Variants in MAP1S observed in about 807,000 individuals in gnomAD.
MAP1S encodes microtubule associated protein 1S.
MAP1S carries 27 observed loss-of-function variants against 60.9 expected under a neutral mutation model. That is an observed-to-expected ratio of 0.44 (90% CI 0.33 to 0.61). The LOEUF is 0.61. Ranked by LOEUF, MAP1S falls within the 20% of genes least tolerant of loss-of-function variation. The pLI, the probability that MAP1S is intolerant of heterozygous loss-of-function variation, is 0.03. For synonymous variants in MAP1S, 826 were observed against 694.2 expected (o/e 1.19, Z -2.98); for missense variants, 1,608 against 1,486.6 (o/e 1.08, Z -1.34).
At chr19:17,724,661 C>G (rs1314492966) in intron 3 of MAP1S, among the ~76,000 whole-genome samples, 1 of 152,178 alleles carries the variant, frequency 6.6e-6, no homozygotes, top group Non-Finnish European at 1.5e-5. Flanking sequence ...CAGGTTGATT[C>G]CTTGGATCAA....
chr19:17,732,688 C>A (rs1182985092), intron 5 of MAP1S, among the ~76,000 whole-genome samples: 1 of 152,226 alleles, frequency 6.6e-6, no homozygotes, highest in Non-Finnish European at 1.5e-5. Context: ...AGCAAGTGAA[C>A]CAGACAAATG....
intron 1 of MAP1S, chr19:17,720,463 G>C (rs1267640251): frequency 6.5e-7 from 1 of 1,531,250 alleles, no homozygotes; most frequent in Admixed American, 2.0e-5. Flanking sequence ...AAGCGAGTGA[G>C]GAGATGGAAC....
Position 17,720,925 on chromosome 19 carries a change from C to G in MAP1S, c.119-11C>G. 6.2e-7 allele frequency: 1 copy of G among 1,608,836 alleles called. No individual in the cohort carries two copies. Among genetic ancestry groups the G allele is most frequent in the South Asian group, 1.1e-5 (1 of 90,976 alleles). On this transcript the variant is annotated splice_polypyrimidine_tract_variant and intron_variant, in intron 1 of 6. Transcript: ENST00000324096. ...GGCTGAACTCCCGCCTTGATCCCTC[C>G]TTCCCACCAGGCATCCGGTCTTGGG...
At chr19:17,723,683 T>C (rs2080391201) in intron 2 of MAP1S, among the ~76,000 whole-genome samples, 1 of 151,978 alleles carries the variant, frequency 6.6e-6, no homozygotes, top group South Asian at 2.1e-4. Flanking sequence ...ACCCTGTCTC[T>C]ACTAAAAATA....
chr19:17,721,138 A>G, intron 2 of MAP1S, 101 bp downstream of exon 2: 1 of 922,428 alleles, frequency 1.1e-6, no homozygotes, highest in Admixed American at 1.7e-5. Context: ...ATAAATAACA[A>G]CAGTAATAAT....
At chr19:17,720,464 G>A in intron 1 of MAP1S, 1 of 1,531,444 alleles carries the variant, frequency 6.5e-7, no homozygotes. Flanking sequence ...AGCGAGTGAG[G>A]AGATGGAACA....
At position 17,726,946 on chromosome 19, in the gene MAP1S, C is replaced by A. The variant is rs759172422; in HGVS notation, c.1562C>A (p.Thr521Asn). ...CGCAAGACTGAGAAAGAAGCCAAGA[C>A]CCCCCGGGAGTTGAAGAAAGACCCC... Reference protein sequence around the residue: ...APRKTEKEAKTPRELKKDPKP... With the variant: ...APRKTEKEAKNPRELKKDPKP... The change falls in exon 5 of 7, where the codon ACC (threonine) becomes AAC (asparagine). Residue 521 changes from threonine (T) to asparagine (N), a missense_variant. Thr to Asn is a moderately conservative substitution (Grantham distance 65). Around this residue, in one of 4 missense-constraint regions of MAP1S, gnomAD observed 1,167 missense variants for 961.4 expected, o/e 1.21. Coordinates refer to ENST00000324096, the MANE Select transcript of MAP1S (RefSeq NM_018174.6). The A allele has an allele frequency of 1.3e-6, 2 of 1,572,214 alleles. No individual in the cohort carries two copies. The highest frequency in any genetic ancestry group is 1.3e-5 in the African/African-American group (1 of 74,216).
chr19:17,724,543 A>G (rs973493649), intron 3 of MAP1S, among the ~76,000 whole-genome samples: 2 of 152,164 alleles, frequency 1.3e-5, no homozygotes, highest in African/African-American at 4.8e-5. Flanking sequence ...AGTTGTCTGA[A>G]TCGACTCACT....
In MAP1S at chr19:17,725,976, C is replaced by T. The variant is rs1169666977; in HGVS notation, c.592C>T (p.Pro198Ser). 8 of 1,612,478 alleles carry T rather than the reference C, an allele frequency of 5.0e-6. No individual in the cohort carries two copies. In the East Asian group the frequency reaches 1.3e-4, roughly 27 times the overall value. Residue 198 changes from proline to serine, a missense_variant, in exon 5 of 7, where the codon CCG becomes TCG. Around this residue, in one of 4 missense-constraint regions of MAP1S, gnomAD observed 320 missense variants for 393.1 expected, o/e 0.81. Transcript: ENST00000324096. This position sits in a 1 kb window ranked among gnomAD's most constrained non-coding sequence, Gnocchi z 4.2. The stretch of plus-strand genomic sequence containing the variant: ...CCGGCTCCAGCTGCGGCTGAACCCC[C>T]CGGCGCAGCTGCCCAACTCTGAGGG... ...ALRLQLRLNP[P>S]AQLPNSEGLC...
At chr19:17,720,182 A>G (rs975306089) in intron 1 of MAP1S, 1 of 1,344,318 alleles carries the variant, frequency 7.4e-7, no homozygotes, top group African/African-American at 1.5e-5. Context: ...TGCCAGGTTC[A>G]CCTGCAGCCA....
intron 2 of MAP1S, chr19:17,721,317 A>T (rs1342627210): frequency 8.5e-5 from 37 of 432,936 alleles, no homozygotes; most frequent in South Asian, 7.3e-4. Context: ...TTTTGATGAG[A>T]AACTGCTATG....
intron 2 of MAP1S, among the ~76,000 whole-genome samples, chr19:17,723,509 T>C (rs1389504327): frequency 1.4e-5 from 2 of 145,778 alleles, no homozygotes; most frequent in African/African-American, 5.2e-5. Flanking sequence ...GGTTGCACTG[T>C]TGCACGCCAG....
In MAP1S at chr19:17,727,636, T is replaced by C; in HGVS notation, c.2252T>C (p.Val751Ala). The C allele has an allele frequency of 6.2e-7, 1 of 1,608,144 alleles. No homozygotes were observed. ...SPCEFEHRKAVPMAPAPASPG... is the reference protein window; with the variant it reads ...SPCEFEHRKAAPMAPAPASPG... ...TGTGAATTTGAGCATCGCAAGGCGG[T>C]GCCAATGGCACCGGCACCTGCGTCC... The change falls in exon 5 of 7, where the codon GTG becomes GCG. Residue 751 changes from valine (V) to alanine (A), a missense_variant. Around this residue, in one of 4 missense-constraint regions of MAP1S, gnomAD observed 1,167 missense variants for 961.4 expected, o/e 1.21. Coordinates refer to ENST00000324096, the MANE Select transcript of MAP1S (RefSeq NM_018174.6). This position sits in a 1 kb window ranked among gnomAD's most constrained non-coding sequence, Gnocchi z 4.1.
At position 17,726,083 on chromosome 19, in the gene MAP1S, G is replaced by A; in HGVS notation, c.699G>A (p.Gly233=). The change falls in exon 5 of 7, where the codon GGG becomes GGA. Residue 233 remains glycine (G), a synonymous_variant. Transcript: ENST00000324096. ...AGCTGCTGGAGCCCCCGACCTCCGG[G>A]GGCTTCCTCAGGCTGGGCCGGCCCT... ...PFELLEPPTS[G]GFLRLGRPCC... 1 of 1,613,836 alleles carries A rather than the reference G, an allele frequency of 6.2e-7. No homozygotes were observed. The highest frequency in any genetic ancestry group is 1.1e-5 in the South Asian group (1 of 91,074).
Position 17,726,820 on chromosome 19 carries a change from G to A in MAP1S, c.1436G>A (p.Arg479Gln), listed in dbSNP as rs1378172996. ...RAESKESVGS[R>Q]DSSKREGLLA... ...GAGAGCAAAGAGAGCGTGGGCTCCC[G>A]GGACAGCTCGAAGAGAGAGGGCCTC... The change falls in exon 5 of 7, where the codon CGG becomes CAG. Residue 479 changes from arginine (R) to glutamine (Q), a missense_variant. Arg to Gln is a conservative substitution (Grantham distance 43). Coordinates refer to ENST00000324096, the MANE Select transcript of MAP1S (RefSeq NM_018174.6). The A allele has an allele frequency of 5.1e-6, 8 of 1,555,798 alleles. No homozygotes were observed. Among genetic ancestry groups the A allele is most frequent in the East Asian group, 4.8e-5 (2 of 41,380 alleles).
At chr19:17,724,075 G>A in intron 2 of MAP1S, 51 bp from the exon 3 acceptor site, 1 of 1,461,448 alleles carries the variant, frequency 6.8e-7, no homozygotes, top group Non-Finnish European at 9.6e-7. Flanking sequence ...TTCCCTGAGG[G>A]TCACACGGGG....
intron 6 of MAP1S, among the ~76,000 whole-genome samples, chr19:17,733,920 C>T (rs1405672451): frequency 6.6e-6 from 1 of 152,210 alleles, no homozygotes; most frequent in Non-Finnish European, 1.5e-5. Context: ...CTGTAGGGTG[C>T]ACGACCCAGG....
In MAP1S at chr19:17,724,278, G is replaced by A. The variant is rs184336479; in HGVS notation, c.303+70G>A. 235 of 1,284,476 alleles carry A rather than the reference G, an allele frequency of 1.8e-4. 1 individual carries two copies. Among genetic ancestry groups the A allele is most frequent in the Middle Eastern group, 1.8e-4 (1 of 5,492 alleles). 79.6% of individuals were successfully genotyped at this position (1,284,476 alleles called of 1,614,324 possible). On this transcript the variant is annotated intron_variant, in intron 3 of 6. Transcript: ENST00000324096. The stretch of plus-strand genomic sequence containing the variant: ...CGTGCCTTCTCTGTCTTCCTGTCTC[G>A]TGTCCTTGTCTTCATGCTGCCCCAG...
rs374673765 is a variant in MAP1S, at chr19:17,734,465, G to A, written c.*37G>A. 24 of 1,582,472 alleles carry A rather than the reference G, an allele frequency of 1.5e-5. No individual in the cohort carries two copies. The highest frequency in any genetic ancestry group is 6.8e-5 in the South Asian group (6 of 88,752). ...ACACGCCCCCCACTCAGCCCAGCCC[G>A]CCTGTCCCTAGATTCAGCCACATCA... On this transcript the variant is annotated 3_prime_UTR_variant, in exon 7 of 7. Coordinates refer to ENST00000324096, the MANE Select transcript of MAP1S (RefSeq NM_018174.6).
Sources: gnomAD v4.1 joint callset for allele counts (sites outside exome capture counted in the v4.1 genomes callset) on GRCh38, gnomAD v4.1.1 for gene constraint, gnomAD v4.1.1 regional missense constraint, Gnocchi (gnomAD v3.1) non-coding constraint, MANE v1.5 for transcripts, NCBI Gene and HGNC (gene_info 2026-07-23, HGNC 2026-07-21) for gene names.